Variants in SLC24A3 observed in about 807,000 individuals in gnomAD.
SLC24A3 encodes the protein sodium/potassium/calcium exchanger 3.
In SLC24A3, 28 loss-of-function variants were observed where a neutral mutation model predicts 75.8. The observed-to-expected ratio is 0.37, with a 90% CI of 0.27 to 0.51. The LOEUF (loss-of-function observed/expected upper bound fraction) is 0.51, where lower values mean the gene tolerates loss of function less well. SLC24A3 is among the 20% of genes least tolerant of loss of function. The pLI is 0.94. For missense variants in SLC24A3, 663 were observed against 847.8 expected (o/e 0.78, Z 2.71); for synonymous variants, 372 against 334.1 (o/e 1.11, Z -1.24).
At position 19,323,931 on chromosome 20, in the gene SLC24A3, C is replaced by T. The variant is rs561076855; in HGVS notation, c.271+42844C>T. On this transcript the variant is annotated intron_variant, in intron 2 of 16. Coordinates refer to ENST00000328041, the MANE Select transcript of SLC24A3 (RefSeq NM_020689.4). ...ATCATTAGCATTTCAAAAAAGTCTG[C>T]TAAATTAAGAATATTTGCTTTCTAG... is the stretch of plus-strand genomic sequence containing the variant. 3.9e-5 allele frequency among the ~76,000 whole-genome samples: 6 copies of T among 152,246 alleles called. No homozygotes were observed. The East Asian group carries it at 1.2e-3, about 29-fold the overall frequency.
intron 6 of SLC24A3, among the ~76,000 whole-genome samples, chr20:19,635,346 G>A (rs571498747): frequency 1.3e-5 from 2 of 152,348 alleles, no homozygotes; most frequent in Non-Finnish European, 2.9e-5. Flanking sequence ...GTGGGGATGA[G>A]GGACATGAAT....
At chr20:19,616,942 C>T (rs6112489) in intron 6 of SLC24A3, among the ~76,000 whole-genome samples, 1,894 of 152,250 alleles carry the variant, frequency 0.012, 16 homozygotes, top group Middle Eastern at 0.041. Flanking sequence ...AACCATGGGC[C>T]AAACGCCTAC....
intron 6 of SLC24A3, among the ~76,000 whole-genome samples, chr20:19,616,435 C>T (rs762481160): frequency 2.0e-5 from 3 of 152,228 alleles, no homozygotes; most frequent in Non-Finnish European, 4.4e-5. Context: ...GACCTCTGAA[C>T]ACTCACAAAC....
At chr20:19,493,125 G>A (rs1024630187) in intron 2 of SLC24A3, among the ~76,000 whole-genome samples, 11 of 152,222 alleles carry the variant, frequency 7.2e-5, no homozygotes, top group South Asian at 4.1e-4. Flanking sequence ...ATGGTGACAG[G>A]AATCAGTGCA....
chr20:19,365,126 T>A (rs1158164714), intron 2 of SLC24A3, among the ~76,000 whole-genome samples: 1 of 152,094 alleles, frequency 6.6e-6, no homozygotes, highest in Non-Finnish European at 1.5e-5. Context: ...TTTGTACCGT[T>A]ATACAAGGAG....
At chr20:19,663,422 CTCCTCCTCCTCCGCCTTCTCA>C (rs2032355870) in intron 7 of SLC24A3, among the ~76,000 whole-genome samples, 1 of 91,402 alleles carries the variant, frequency 1.1e-5, no homozygotes, top group African/African-American at 7.4e-5. Context: ...CCTCCTCCTC[CTCCTCCTCCTCCGCCTTCTCA>C]TCCTCCTCCA....
Position 19,273,956 on chromosome 20 carries a change from G to T in SLC24A3, c.143-7003G>T, listed in dbSNP as rs1407358183. On this transcript the variant is annotated intron_variant, in intron 1 of 16. Coordinates refer to ENST00000328041, the MANE Select transcript of SLC24A3 (RefSeq NM_020689.4). ...CTTTTCAGTCCCTCCAATAGGACAG[G>T]CCTCCCTTTAATCCAAAGGCGAAGA... 2.6e-5 allele frequency among the ~76,000 whole-genome samples: 4 copies of T among 151,096 alleles called. No individual in the cohort carries two copies. The East Asian group carries it at 8.2e-4, about 31-fold the overall frequency.
rs536824380 is a variant in SLC24A3 at position 19,509,589 on chromosome 20, G to A, written c.272-5899G>A. Among the ~76,000 whole-genome samples the A allele has an allele frequency of 4.6e-5, 7 of 152,322 alleles. No homozygotes were observed. The East Asian group carries it at 9.7e-4, about 21-fold the overall frequency. ...CACCTGCAAGGCACCAGAGTGTGTC[G>A]CCAGTTGAAGAGCTGTTGCAGTCTC... On this transcript the variant is annotated intron_variant, in intron 2 of 16. Coordinates refer to ENST00000328041, the MANE Select transcript of SLC24A3 (RefSeq NM_020689.4).
intron 2 of SLC24A3, among the ~76,000 whole-genome samples, chr20:19,368,906 C>A (rs898942110): frequency 1.3e-5 from 2 of 152,144 alleles, no homozygotes; most frequent in African/African-American, 4.8e-5. Context: ...ATGACAATAA[C>A]AGGTTATAAT....
intron 1 of SLC24A3, among the ~76,000 whole-genome samples, chr20:19,222,783 C>CCTTCCTTCCTTCCTTCCTT (rs1981755756): frequency 1.1e-4 from 8 of 75,802 alleles, no homozygotes; most frequent in Non-Finnish European, 1.2e-4. Context: ...TCCCCTCCCT[C>CCTTCCTTCCTTCCTTCCTT]CCTTCCTTCC....
At chr20:19,214,703 T>G (rs2122123706) in intron 1 of SLC24A3, among the ~76,000 whole-genome samples, 1 of 152,308 alleles carries the variant, frequency 6.6e-6, no homozygotes, top group African/African-American at 2.4e-5. Flanking sequence ...CTCTGCAAAC[T>G]TGAAACCTGG....
intron 2 of SLC24A3, among the ~76,000 whole-genome samples, chr20:19,378,383 T>C (rs1054566721): frequency 3.3e-5 from 5 of 152,286 alleles, no homozygotes; most frequent in African/African-American, 1.2e-4. Flanking sequence ...GACTCCTGTT[T>C]TAAACTCCAA....
At chr20:19,649,295 T>C (rs2122705481) in intron 6 of SLC24A3, among the ~76,000 whole-genome samples, 1 of 152,278 alleles carries the variant, frequency 6.6e-6, no homozygotes, top group East Asian at 1.9e-4. Context: ...GGGAACCACA[T>C]GGAGCCCAGA....
chr20:19,296,286 T>TC (rs1555786540), intron 2 of SLC24A3, among the ~76,000 whole-genome samples: 5 of 144,716 alleles, frequency 3.5e-5, no homozygotes, highest in African/African-American at 1.1e-4. Flanking sequence ...TTTTTTTTTT[T>TC]CAAAAAAAAA....
chr20:19,524,756 A>C (rs2030167239), intron 3 of SLC24A3, among the ~76,000 whole-genome samples: 1 of 152,226 alleles, frequency 6.6e-6, no homozygotes, highest in African/African-American at 2.4e-5. Flanking sequence ...AGATCTGCAT[A>C]ACATAGTTAC....
chr20:19,315,854 T>C (rs987250746), intron 2 of SLC24A3, among the ~76,000 whole-genome samples: 11 of 152,210 alleles, frequency 7.2e-5, no homozygotes, highest in Non-Finnish European at 1.2e-4. Flanking sequence ...ACTGAAAATA[T>C]CATAAGTTGA....
chr20:19,275,872 G>A (rs1005418067), intron 1 of SLC24A3, among the ~76,000 whole-genome samples: 5 of 151,988 alleles, frequency 3.3e-5, no homozygotes, highest in South Asian at 4.2e-4. Flanking sequence ...GCCTCCACCC[G>A]TGACATGTGA....
At chr20:19,707,388 G>A (rs550407862) in intron 15 of SLC24A3, among the ~76,000 whole-genome samples, 1 of 152,320 alleles carries the variant, frequency 6.6e-6, no homozygotes, top group African/African-American at 2.4e-5. Flanking sequence ...ACAGGACCTG[G>A]CAATTAGTTT....
intron 6 of SLC24A3, among the ~76,000 whole-genome samples, chr20:19,646,871 T>TGTGTGTGTG (rs2032146283): frequency 1.1e-5 from 1 of 95,108 alleles, no homozygotes; most frequent in African/African-American, 5.4e-5. Flanking sequence ...GTGTGTGTGT[T>TGTGTGTGTG]TATGCTTTCT....
Sources: gnomAD v4.1 joint callset for allele counts (sites outside exome capture counted in the v4.1 genomes callset) on GRCh38, gnomAD v4.1.1 for gene constraint, MANE v1.5 for transcripts, NCBI Gene and HGNC (gene_info 2026-07-23, HGNC 2026-07-21) for gene names.